The following MUSK variants were observed in gnomAD, a reference collection of about 807,000 sequenced individuals.
MUSK encodes the protein muscle associated receptor tyrosine kinase.
A neutral mutation model predicts 88.7 loss-of-function variants in MUSK; 55 were observed. The ratio of observed to expected loss-of-function variants is 0.62; its 90% CI spans 0.50 to 0.78. The LOEUF (loss-of-function observed/expected upper bound fraction) is 0.78. Ranked by LOEUF, MUSK falls within the 30% of genes least tolerant of loss-of-function variation. MUSK has a pLI of 0.00. For synonymous variants in MUSK, 387 were observed against 391.9 expected (o/e 0.99, Z 0.15); for missense variants, 1,015 against 1,074.3 (o/e 0.94, Z 0.77).
At chr9:110,757,442 G>A (rs1339798286) in intron 7 of MUSK, among the ~76,000 whole-genome samples, 1 of 147,756 alleles carries the variant, frequency 6.8e-6, no homozygotes, top group African/African-American at 2.5e-5. Context: ...CTGGGCAACA[G>A]AGTGAGACTC....
At chr9:110,715,919 G>A (rs1415155836) in intron 5 of MUSK, among the ~76,000 whole-genome samples, 1 of 149,254 alleles carries the variant, frequency 6.7e-6, no homozygotes, top group Non-Finnish European at 1.5e-5. Flanking sequence ...GGAGCTGAAC[G>A]ATGAGAACAC....
chr9:110,674,545 C>T (rs781782423), intron 1 of MUSK, among the ~76,000 whole-genome samples: 140 of 152,050 alleles, frequency 9.2e-4, no homozygotes, highest in Non-Finnish European at 7.9e-4. Context: ...CACCTATATG[C>T]CTTTCTATAT....
intron 7 of MUSK, among the ~76,000 whole-genome samples, chr9:110,758,125 A>G (rs1048958978): frequency 2.0e-5 from 3 of 151,974 alleles, no homozygotes; most frequent in Admixed American, 2.0e-4. Context: ...CATAACGCCC[A>G]GCTAATTTTT....
At chr9:110,730,347 A>G (rs187493504) in intron 5 of MUSK, among the ~76,000 whole-genome samples, 92 of 152,250 alleles carry the variant, frequency 6.0e-4, no homozygotes, top group African/African-American at 2.1e-3. Flanking sequence ...TTAAAAATCC[A>G]TATCAAAACA....
chr9:110,699,640 A>G (rs1554739003), intron 5 of MUSK, among the ~76,000 whole-genome samples: 4 of 152,160 alleles, frequency 2.6e-5, no homozygotes, highest in Non-Finnish European at 5.9e-5. Flanking sequence ...TTTAAAAAAA[A>G]GCAACTGAGA....
At chr9:110,711,397 C>CA (rs1287670048) in intron 5 of MUSK, among the ~76,000 whole-genome samples, 1 of 152,124 alleles carries the variant, frequency 6.6e-6, no homozygotes, top group African/African-American at 2.4e-5. Context: ...CCAATGCTGG[C>CA]AAAGGTCTCT....
chr9:110,777,542 A>G (rs889621923), intron 11 of MUSK, among the ~76,000 whole-genome samples: 2 of 152,132 alleles, frequency 1.3e-5, no homozygotes, highest in African/African-American at 4.8e-5. Flanking sequence ...TAGCCTGTCA[A>G]ATTGTTATTC....
intron 1 of MUSK, among the ~76,000 whole-genome samples, chr9:110,677,387 T>C (rs2076045816): frequency 6.6e-6 from 1 of 152,186 alleles, no homozygotes; most frequent in South Asian, 2.1e-4. Context: ...CAGTGGGCAC[T>C]TTTAGGTCCT....
Position 110,800,314 on chromosome 9 carries a change from G to T in MUSK, c.1936G>T (p.Ala646Ser), listed in dbSNP as rs749361502. The T allele has an allele frequency of 1.3e-5, 21 of 1,607,414 alleles. No individual in the cohort carries two copies. The East Asian group carries it at 4.7e-4, about 36-fold the overall frequency. ...TGGTCTTTTGGTTCCAGGAGTGTGT[G>T]CTGTCGGGAAGCCAATGTGCCTGCT... ...PNIVKLLGVC[A>S]VGKPMCLLFE... Residue 646 changes from alanine to serine, a missense_variant, in exon 15 of 15, where the codon GCT becomes TCT. Physicochemically the swap from Ala to Ser is moderately conservative, Grantham distance 99. Coordinates refer to ENST00000374448, the MANE Select transcript of MUSK (RefSeq NM_005592.4).
At chr9:110,716,965 T>C (rs1432733084) in intron 5 of MUSK, among the ~76,000 whole-genome samples, 1 of 149,868 alleles carries the variant, frequency 6.7e-6, no homozygotes. Flanking sequence ...TTGTTTTGTG[T>C]TTTCCTGTGC....
intron 2 of MUSK, among the ~76,000 whole-genome samples, chr9:110,685,107 A>G (rs897208080): frequency 3.9e-5 from 6 of 152,044 alleles, no homozygotes; most frequent in Non-Finnish European, 7.4e-5. Flanking sequence ...TGGGTCTGTC[A>G]TATATGGCTT....
Position 110,714,285 on chromosome 9 carries a change from C to T in MUSK, c.628+16819C>T, listed in dbSNP as rs569614087. ...GCTCTTGTCTGATTTACATGGTAAA[C>T]ATTTCTTGCTCGTACCCACTATTCA... On this transcript the variant is annotated intron_variant, in intron 5 of 14. Coordinates refer to ENST00000374448, the MANE Select transcript of MUSK (RefSeq NM_005592.4). 2.6e-5 allele frequency among the ~76,000 whole-genome samples: 4 copies of T among 152,194 alleles called. No individual in the cohort carries two copies. In the East Asian group the frequency reaches 5.8e-4, roughly 22 times the overall value.
At chr9:110,784,216 T>C (rs2077814127) in intron 11 of MUSK, among the ~76,000 whole-genome samples, 1 of 152,176 alleles carries the variant, frequency 6.6e-6, no homozygotes, top group Non-Finnish European at 1.5e-5. Flanking sequence ...TTAATACATA[T>C]ACAATGGACT....
At chr9:110,693,180 A>C (rs900885293) in intron 3 of MUSK, among the ~76,000 whole-genome samples, 2 of 152,182 alleles carry the variant, frequency 1.3e-5, no homozygotes, top group Non-Finnish European at 2.9e-5. Flanking sequence ...TTACTTTGTG[A>C]CACTACCTTT....
At chr9:110,730,903 T>A (rs1250644166) in intron 5 of MUSK, among the ~76,000 whole-genome samples, 1 of 152,014 alleles carries the variant, frequency 6.6e-6, no homozygotes, top group African/African-American at 2.4e-5. Context: ...CCCACCCCAC[T>A]CTTTCCCCTT....
chr9:110,698,607 G>A (rs1253882328), intron 5 of MUSK, among the ~76,000 whole-genome samples: 3 of 151,710 alleles, frequency 2.0e-5, no homozygotes, highest in Non-Finnish European at 2.9e-5. Context: ...TAATGATCTC[G>A]TTTCCCACGT....
At chr9:110,716,774 T>C (rs1371003552) in intron 5 of MUSK, among the ~76,000 whole-genome samples, 1 of 150,188 alleles carries the variant, frequency 6.7e-6, no homozygotes, top group Non-Finnish European at 1.5e-5. Flanking sequence ...TCTATAAGTT[T>C]AGGCTTTATA....
chr9:110,772,807 G>C (rs1261802668), intron 9 of MUSK, among the ~76,000 whole-genome samples: 1 of 151,972 alleles, frequency 6.6e-6, no homozygotes, highest in South Asian at 2.1e-4. Flanking sequence ...CTGATAACTG[G>C]TAAGTTTGAT....
chr9:110,797,295 A>AC (rs1021162846), intron 14 of MUSK, among the ~76,000 whole-genome samples: 4 of 151,974 alleles, frequency 2.6e-5, no homozygotes, highest in South Asian at 2.1e-4. Flanking sequence ...AAACAAACAA[A>AC]AAAAAAGTTT....
Sources: allele counts gnomAD v4.1 joint callset (sites outside exome capture counted in the v4.1 genomes callset), GRCh38; gene constraint gnomAD v4.1.1; transcripts MANE v1.5; gene names NCBI Gene and HGNC (gene_info 2026-07-23, HGNC 2026-07-21).